STK31: variants seen among roughly 807,000 people sequenced by gnomAD.
The protein encoded by STK31 is serine/threonine kinase 31.
Under a neutral mutation model 129.7 loss-of-function variants are expected in STK31, and 89 were observed. The observed-to-expected ratio is 0.69, with a 90% confidence interval of 0.58 to 0.82. The LOEUF is 0.82. STK31 is among the 40% of genes least tolerant of loss of function. The probability of loss-of-function intolerance (pLI) is 0.00; values close to 1 mark genes in which losing one functional copy is unlikely to be tolerated. For synonymous variants in STK31, 448 were observed against 395.3 expected (o/e 1.13, Z -1.58); for missense variants, 1,187 against 1,176.4 (o/e 1.01, Z -0.13).
At chr7:23,751,003 C>T (rs780283338) in intron 8 of STK31, among the ~76,000 whole-genome samples, 3 of 152,146 alleles carry the variant, frequency 2.0e-5, no homozygotes, top group Non-Finnish European at 4.4e-5. Context: ...ACTTATTAAC[C>T]AAACTTTCTT....
At chr7:23,804,541 C>T (rs1046815777) in intron 22 of STK31, among the ~76,000 whole-genome samples, 2 of 152,168 alleles carry the variant, frequency 1.3e-5, no homozygotes, top group Admixed American at 6.5e-5. Flanking sequence ...TTACTTACCT[C>T]TCATTTATGG....
chr7:23,710,272 G>A lies in STK31; in HGVS notation c.-14G>A, dbSNP rs1785846850. ...GCACGTGTGCTACGGCGGGCGGAGG[G>A]CCGAAAGTCCAGTATGTGGGTCCAG... On this transcript the variant is annotated 5_prime_UTR_variant, in exon 1 of 24. Transcript: ENST00000355870. 6.2e-7 allele frequency: 1 copy of A among 1,611,668 alleles called. No homozygotes were observed. The highest frequency in any genetic ancestry group is 8.5e-7 in the Non-Finnish European group (1 of 1,179,690).
chr7:23,748,443 C>A (rs891881565), intron 8 of STK31, among the ~76,000 whole-genome samples: 1 of 152,128 alleles, frequency 6.6e-6, no homozygotes, highest in Non-Finnish European at 1.5e-5. Context: ...AAGCATAGTT[C>A]ACCCTTGAAC....
chr7:23,764,617 A>T (rs1457137512), intron 11 of STK31, among the ~76,000 whole-genome samples: 1 of 152,144 alleles, frequency 6.6e-6, no homozygotes, highest in African/African-American at 2.4e-5. Flanking sequence ...TTCTTGGTGT[A>T]CAGTTTTAGA....
chr7:23,814,994 G>C (rs1478523185), intron 22 of STK31, 150 bp from the exon 23 acceptor site: 1 of 520,418 alleles, frequency 1.9e-6, no homozygotes, highest in African/African-American at 2.0e-5. Flanking sequence ...TAATTAGAAT[G>C]AAAGTGCTTT....
chr7:23,713,455 C>G (rs1315587297), intron 3 of STK31, among the ~76,000 whole-genome samples: 3 of 152,052 alleles, frequency 2.0e-5, no homozygotes, highest in Non-Finnish European at 2.9e-5. Context: ...TACACTTAGG[C>G]TACACTAAAT....
At chr7:23,750,076 G>C (rs2390810) in intron 8 of STK31, among the ~76,000 whole-genome samples, 62,697 of 98,086 alleles carry the variant, frequency 0.64, 23,357 homozygotes, top group South Asian at 0.82. Context: ...TTCCCCCCCC[G>C]CCACTGCTGG....
intron 8 of STK31, 28 bp downstream of exon 8, chr7:23,737,106 T>C (rs1172202424): frequency 1.9e-6 from 3 of 1,543,132 alleles, no homozygotes; most frequent in East Asian, 4.6e-5. Flanking sequence ...AGGTGAAGAG[T>C]GTCCAACTGG....
intron 8 of STK31, among the ~76,000 whole-genome samples, chr7:23,752,350 ATT>A (rs140189040): frequency 0.026 from 3,626 of 140,784 alleles, 116 homozygotes; most frequent in Admixed American, 0.11. Context: ...CAAATTTGGA[ATT>A]TTTTTTTTTT....
intron 15 of STK31, among the ~76,000 whole-genome samples, chr7:23,779,582 G>A (rs1790781170): frequency 6.6e-6 from 1 of 152,180 alleles, no homozygotes; most frequent in Admixed American, 6.5e-5. Context: ...AGGCTTTGCT[G>A]GGCTGCGGTG....
At chr7:23,730,872 ATATATATTTTTT>A (rs1584344639) in intron 6 of STK31, among the ~76,000 whole-genome samples, 1 of 56,128 alleles carries the variant, frequency 1.8e-5, no homozygotes, top group Non-Finnish European at 3.6e-5. Flanking sequence ...ATATATATAT[ATATATATTTTTT>A]TTTTTTTTTT....
Position 23,809,134 on chromosome 7 carries a change from T to C in STK31, c.2761-6010T>C, listed in dbSNP as rs533115621. 2.0e-5 allele frequency among the ~76,000 whole-genome samples: 3 copies of C among 151,296 alleles called. No individual in the cohort carries two copies. The East Asian group carries it at 5.9e-4, about 30-fold the overall frequency. On this transcript the variant is annotated intron_variant, in intron 22 of 23. Transcript: ENST00000355870. Reference sequence around the variant, plus strand: ...CTTTCCATCTTTTAGGGTTTTCCTGTGTTGTATTATAGCTAGAGTTGTTTG... The same window carrying C: ...CTTTCCATCTTTTAGGGTTTTCCTGCGTTGTATTATAGCTAGAGTTGTTTG...
At chr7:23,791,490 G>A (rs1209109924) in intron 22 of STK31, among the ~76,000 whole-genome samples, 5 of 152,100 alleles carry the variant, frequency 3.3e-5, no homozygotes, top group Non-Finnish European at 5.9e-5. Flanking sequence ...AGAAAGGTAA[G>A]GATTGAAAAA....
chr7:23,767,985 G>C (rs1789938683), intron 11 of STK31, among the ~76,000 whole-genome samples: 1 of 151,556 alleles, frequency 6.6e-6, no homozygotes, highest in Non-Finnish European at 1.5e-5. Flanking sequence ...TGCCTATCTT[G>C]TCTTTTCCAA....
In STK31 at chr7:23,783,733, G is replaced by A; in HGVS notation, c.2148+70G>A. ...TGAAAAGTGATAATATTAAATTTGT[G>A]TCAGTGTTAAACTTATAGTATCTTT... On this transcript the variant is annotated intron_variant, in intron 17 of 23. Coordinates refer to ENST00000355870, the MANE Select transcript of STK31 (RefSeq NM_031414.5). 3.1e-6 allele frequency: 4 copies of A among 1,284,290 alleles called. No homozygotes were observed. The East Asian group carries it at 7.1e-5, about 23-fold the overall frequency. The allele number at this position is 1,284,290 out of a possible 1,614,324, so 79.6% of individuals were successfully genotyped here.
intron 23 of STK31, among the ~76,000 whole-genome samples, chr7:23,825,172 G>T (rs1794051884): frequency 6.6e-6 from 1 of 152,170 alleles, no homozygotes; most frequent in African/African-American, 2.4e-5. Flanking sequence ...CAGAAGGAAT[G>T]GTACCAGCTC....
At position 23,791,894 on chromosome 7, in the gene STK31, T is replaced by C. The variant is rs184199709; in HGVS notation, c.2760+948T>C. Among the ~76,000 whole-genome samples, 294 of 152,356 alleles carry C rather than the reference T, an allele frequency of 1.9e-3. 1 individual carries two copies. Among genetic ancestry groups the C allele is most frequent in the Non-Finnish European group, 3.5e-3 (238 of 68,020 alleles). ...AGTACTGAGTTCTGCTGCTATAGCA[T>C]GAAAGCAGCCATAGACAGTATGTAA... On this transcript the variant is annotated intron_variant, in intron 22 of 23. Transcript: ENST00000355870.
intron 8 of STK31, among the ~76,000 whole-genome samples, chr7:23,743,745 T>G (rs1277800076): frequency 1.3e-5 from 2 of 152,116 alleles, no homozygotes; most frequent in Non-Finnish European, 2.9e-5. Flanking sequence ...TTTTTTCTCT[T>G]TTTCTGTGAC....
chr7:23,825,198 G>T (rs1006987334), intron 23 of STK31, among the ~76,000 whole-genome samples: 1 of 152,136 alleles, frequency 6.6e-6, no homozygotes, highest in Non-Finnish European at 1.5e-5. Context: ...TTTACCTCTG[G>T]TAGAATTTAG....
Sources: allele counts gnomAD v4.1 joint callset (sites outside exome capture counted in the v4.1 genomes callset), GRCh38; gene constraint gnomAD v4.1.1; transcripts MANE v1.5; gene names NCBI Gene and HGNC (gene_info 2026-07-23, HGNC 2026-07-21).